THSD7B: variants seen among roughly 807,000 people sequenced by gnomAD.
THSD7B encodes the protein thrombospondin type-1 domain-containing protein 7B.
A neutral mutation model predicts 213.6 loss-of-function variants in THSD7B; 138 were observed. The observed-to-expected ratio is 0.65, with a 90% CI of 0.56 to 0.74. The LOEUF (loss-of-function observed/expected upper bound fraction) is 0.74, where lower values mean the gene tolerates loss of function less well. Among genes scored for constraint, THSD7B ranks in the 30% least tolerant of loss-of-function variants. The pLI is 0.00. For synonymous variants in THSD7B, 742 were observed against 687.0 expected (o/e 1.08, Z -1.25); for missense variants, 1,931 against 1,991.5 (o/e 0.97, Z 0.58).
At chr2:137,030,911 A>G (rs1168631280) in intron 2 of THSD7B, among the ~76,000 whole-genome samples, 3 of 152,218 alleles carry the variant, frequency 2.0e-5, no homozygotes, top group Non-Finnish European at 2.9e-5. Flanking sequence ...TTGTATCCCT[A>G]AAGCTATTGA....
intron 10 of THSD7B, among the ~76,000 whole-genome samples, chr2:137,257,851 A>T (rs1573916036): frequency 1.3e-5 from 2 of 152,206 alleles, no homozygotes; most frequent in East Asian, 3.8e-4. Context: ...ACAAAGCGGA[A>T]TGCACACTCT....
chr2:137,572,355 T>A (rs1399720839), intron 16 of THSD7B, 51 bp from the exon 17 acceptor site: 1 of 1,593,062 alleles, frequency 6.3e-7, no homozygotes. Context: ...ATTTTAAATA[T>A]ACTCTCCACT....
chr2:137,193,280 GTGTT>G (rs1347641079), intron 7 of THSD7B, among the ~76,000 whole-genome samples: 2 of 152,148 alleles, frequency 1.3e-5, no homozygotes, highest in Admixed American at 1.3e-4. Context: ...GTATGAGTGT[GTGTT>G]TGTTCATTTT....
chr2:137,049,712 A>G (rs111316068), intron 2 of THSD7B, among the ~76,000 whole-genome samples: 1,792 of 152,278 alleles, frequency 0.012, 23 homozygotes, highest in Middle Eastern at 0.024. Flanking sequence ...ATCTCATTTC[A>G]CATAACAAAT....
intron 12 of THSD7B, among the ~76,000 whole-genome samples, chr2:137,321,575 G>A (rs1277428683): frequency 1.3e-5 from 2 of 152,134 alleles, no homozygotes; most frequent in East Asian, 3.9e-4. Context: ...TCATTAGTCT[G>A]GCACATCAAC....
intron 15 of THSD7B, among the ~76,000 whole-genome samples, chr2:137,515,774 C>G (rs1680056542): frequency 6.6e-6 from 1 of 152,144 alleles, no homozygotes; most frequent in East Asian, 1.9e-4. Flanking sequence ...TGTGAGTGAG[C>G]TGGAAATGCC....
intron 2 of THSD7B, among the ~76,000 whole-genome samples, chr2:137,034,195 T>C (rs1184003566): frequency 6.6e-6 from 1 of 152,112 alleles, no homozygotes. Context: ...AGCCAGCCTA[T>C]CATTGATGGT....
At chr2:136,785,306 C>T (rs1681821575) in intron 1 of THSD7B, among the ~76,000 whole-genome samples, 3 of 152,158 alleles carry the variant, frequency 2.0e-5, no homozygotes, top group Non-Finnish European at 4.4e-5. Context: ...CTTCTTGTCA[C>T]TAGGATGATG....
intron 2 of THSD7B, among the ~76,000 whole-genome samples, chr2:136,950,230 C>T (rs1025223421): frequency 1.1e-4 from 16 of 151,500 alleles, no homozygotes; most frequent in African/African-American, 2.4e-4. Flanking sequence ...CTAGCCTGGG[C>T]GACAGAGCAA....
Position 137,329,974 on chromosome 2 carries a change from G to A in THSD7B, c.2500+53948G>A, listed in dbSNP as rs376737545. ...GTATGCAGTCTTGGGACTTGATGCCGTGCATCTCAGCTGCTCCAGGCATGG... is the reference window on the plus strand; with the variant it reads ...GTATGCAGTCTTGGGACTTGATGCCATGCATCTCAGCTGCTCCAGGCATGG... On this transcript the variant is annotated intron_variant, in intron 12 of 27. Coordinates refer to ENST00000409968, the MANE Select transcript of THSD7B (RefSeq NM_001316349.2). 4.6e-5 allele frequency among the ~76,000 whole-genome samples: 7 copies of A among 152,170 alleles called. No homozygotes were observed. In the East Asian group the frequency reaches 5.8e-4, roughly 13 times the overall value.
intron 15 of THSD7B, among the ~76,000 whole-genome samples, chr2:137,561,653 T>C (rs12620690): frequency 0.023 from 3,447 of 152,212 alleles, 82 homozygotes; most frequent in East Asian, 0.077. Context: ...AATTTCTTAG[T>C]ATGTTTGGTT....
intron 7 of THSD7B, among the ~76,000 whole-genome samples, chr2:137,174,972 C>A (rs1680331762): frequency 6.6e-6 from 1 of 152,204 alleles, no homozygotes; most frequent in African/African-American, 2.4e-5. Flanking sequence ...TTTTAAACAT[C>A]AATTCTCAAA....
At chr2:137,172,984 G>A (rs1324266828) in intron 7 of THSD7B, among the ~76,000 whole-genome samples, 2 of 152,122 alleles carry the variant, frequency 1.3e-5, no homozygotes, top group South Asian at 2.1e-4. Flanking sequence ...TTTCAACTCT[G>A]CTACTCACCT....
chr2:137,280,323 T>C (rs957245401), intron 12 of THSD7B, among the ~76,000 whole-genome samples: 1 of 152,188 alleles, frequency 6.6e-6, no homozygotes. Context: ...GATTCCTTAC[T>C]TTCAGACCAG....
chr2:137,341,480 C>T (rs1684759870), intron 12 of THSD7B, among the ~76,000 whole-genome samples: 1 of 151,364 alleles, frequency 6.6e-6, no homozygotes, highest in African/African-American at 2.4e-5. Flanking sequence ...TTGATGACTG[C>T]ATTTTTGGGG....
chr2:136,893,818 C>T (rs1234057024), intron 2 of THSD7B, among the ~76,000 whole-genome samples: 1 of 152,140 alleles, frequency 6.6e-6, no homozygotes, highest in Non-Finnish European at 1.5e-5. Flanking sequence ...ATCTGAGACT[C>T]AATTAGAGAA....
At chr2:137,548,950 C>T (rs935154665) in intron 15 of THSD7B, among the ~76,000 whole-genome samples, 1 of 151,956 alleles carries the variant, frequency 6.6e-6, no homozygotes, top group Admixed American at 6.6e-5. Context: ...AGCAAGGCAA[C>T]AGTTGCATGC....
At chr2:137,132,782 C>T (rs190731888) in intron 5 of THSD7B, among the ~76,000 whole-genome samples, 1 of 152,180 alleles carries the variant, frequency 6.6e-6, no homozygotes, top group African/African-American at 2.4e-5. Flanking sequence ...TAATTCATTG[C>T]TACACAAAGC....
chr2:136,867,308 A>G (rs922236170), intron 1 of THSD7B, among the ~76,000 whole-genome samples: 1 of 152,196 alleles, frequency 6.6e-6, no homozygotes, highest in African/African-American at 2.4e-5. Context: ...TTTGATGGAC[A>G]TTTGTGGGCT....
Sources: allele counts gnomAD v4.1 joint callset (sites outside exome capture counted in the v4.1 genomes callset), GRCh38; gene constraint gnomAD v4.1.1; transcripts MANE v1.5; gene names NCBI Gene and HGNC (gene_info 2026-07-23, HGNC 2026-07-21).